Variants in DDX3X observed in about 807,000 individuals in gnomAD.
DDX3X encodes the protein DEAD-box helicase 3 X-linked.
In DDX3X, 4 loss-of-function variants were observed where a neutral mutation model predicts 52.7. The ratio of observed to expected loss-of-function variants is 0.08; its 90% confidence interval spans 0.04 to 0.17. The LOEUF is 0.17. Ranked by LOEUF, DDX3X falls within the 10% of genes least tolerant of loss-of-function variation. The pLI, the probability that DDX3X is intolerant of heterozygous loss-of-function variation, is 1.00. For synonymous variants in DDX3X, 192 were observed against 178.1 expected, an observed-to-expected ratio of 1.08 and a Z score of -0.62; for missense variants, 222 against 548.6, an observed-to-expected ratio of 0.40 and a Z score of 5.95.
At position 41,343,329 on chromosome X, in the gene DDX3X, C is replaced by T. The variant is rs2063876497; in HGVS notation, c.657C>T (p.Asp219=). Residue 219 remains aspartate, a synonymous_variant, in exon 7 of 17, where the codon GAC becomes GAT. Coordinates refer to ENST00000644876, the MANE Select transcript of DDX3X (RefSeq NM_001356.5). ...TTCCTATTATCAAAGAGAAAAGAGA[C>T]TTGATGGCTTGTGCCCAAACAGGTA... ...HAIPIIKEKR[D]LMACAQTGSG... The T allele has an allele frequency of 8.3e-7, 1 of 1,202,010 alleles. No individual in the cohort carries two copies. The highest frequency in any genetic ancestry group is 1.1e-6 in the Non-Finnish European group (1 of 892,844).
chrX:41,334,734 G>C, intron 1 of DDX3X: 1 of 980,131 alleles, frequency 1.0e-6, no homozygotes, highest in Non-Finnish European at 1.3e-6. Flanking sequence ...CGGAGGACCT[G>C]GCGGCACCCG....
chrX:41,358,672 C>G (rs2064018136), intron 5 of DDX3X, among the ~76,000 whole-genome samples: 1 of 112,116 alleles, frequency 8.9e-6, no homozygotes, highest in African/African-American at 3.2e-5. Flanking sequence ...AATTGGAACA[C>G]TCTTGGCAGA....
chrX:41,357,256 T>A (rs2064013136), intron 5 of DDX3X, among the ~76,000 whole-genome samples: 1 of 110,133 alleles, frequency 9.1e-6, no homozygotes, highest in Non-Finnish European at 1.9e-5. Flanking sequence ...ATCTATATAA[T>A]AAGTCTTAAC....
intron 3 of DDX3X, chrX:41,341,216 C>G (rs1301184675): frequency 1.6e-5 from 4 of 246,151 alleles, no homozygotes; most frequent in Non-Finnish European, 2.9e-5. Flanking sequence ...AACTCCTGAC[C>G]TCAGGTGACC....
chrX:41,360,130 C>A (rs1167540060), intron 5 of DDX3X, among the ~76,000 whole-genome samples: 2 of 110,818 alleles, frequency 1.8e-5, no homozygotes, highest in Admixed American at 9.7e-5. Flanking sequence ...GTAATCCCAA[C>A]ACTTTGGGAA....
At chrX:41,353,306 A>C (rs986191583), downstream of DDX3X, among the ~76,000 whole-genome samples, 4 of 104,392 alleles carry the variant, frequency 3.8e-5, no homozygotes, top group African/African-American at 1.4e-4. Context: ...ACAAAAAAAA[A>C]AAAAAAAAAA....
rs1373122249 is a variant in DDX3X at position 41,342,445 on chromosome X, C to T, written c.285-50C>T. The T allele has an allele frequency of 5.9e-6, 7 of 1,183,510 alleles. No homozygotes were observed. In the Admixed American group the frequency reaches 1.3e-4, roughly 22 times the overall value. Reference sequence around the variant, plus strand: ...ACAGTTCTAGAGTAGGGATAAGAATCTGATAATGGTTAAATGATATGATTC... The same window carrying T: ...ACAGTTCTAGAGTAGGGATAAGAATTTGATAATGGTTAAATGATATGATTC... On this transcript the variant is annotated intron_variant, in intron 4 of 16. Transcript: ENST00000644876.
intron 5 of DDX3X, among the ~76,000 whole-genome samples, chrX:41,359,899 G>A (rs1471441631): frequency 6.7e-5 from 7 of 104,139 alleles, no homozygotes; most frequent in East Asian, 6.3e-4. Context: ...GGAGAATGGC[G>A]TGAACCCGGG....
intron 14 of DDX3X, 27 bp from the exon 15 acceptor site, chrX:41,346,832 T>G (rs1439573692): frequency 2.0e-5 from 23 of 1,176,534 alleles, no homozygotes; most frequent in Non-Finnish European, 2.4e-5. Flanking sequence ...GACCTTTGTT[T>G]ATATACTTTT....
At position 41,349,032 on chromosome X, in the gene DDX3X, C is replaced by T. The variant is rs2063959823; in HGVS notation, c.*1313C>T. On this transcript the variant is annotated 3_prime_UTR_variant, in exon 17 of 17. Coordinates refer to ENST00000644876, the MANE Select transcript of DDX3X (RefSeq NM_001356.5). ...TGAGCATTGTCCACCACTAAAATGC[C>T]TCTGCCACTTTGAATTCTGTGCTAA... 2 of 112,305 alleles carry T rather than the reference C, an allele frequency of 1.8e-5. No individual in the cohort carries two copies. The highest frequency in any genetic ancestry group is 1.9e-5 in the Non-Finnish European group (1 of 53,263). 9.3% of individuals were successfully genotyped at this position (112,305 alleles called of 1,213,427 possible). A position where few individuals can be genotyped will look rare whatever the true frequency, so the allele number is the denominator to read the frequency against.
Position 41,347,991 on chromosome X carries a change from A to G in DDX3X, c.*272A>G, listed in dbSNP as rs2063947983. Reference sequence around the variant, plus strand: ...ACCCCCATCCCAAACTGCATTTATAATTTTGTGACTGAGGATCATTTGTTT... The same window carrying G: ...ACCCCCATCCCAAACTGCATTTATAGTTTTGTGACTGAGGATCATTTGTTT... On this transcript the variant is annotated 3_prime_UTR_variant, in exon 17 of 17. Transcript: ENST00000644876. 3.0e-6 allele frequency: 1 copy of G among 337,681 alleles called. No homozygotes were observed. The allele number at this position is 337,681 out of a possible 1,213,427, so 27.8% of individuals were successfully genotyped here.
At chrX:41,343,104 C>T (rs1264294187) in intron 6 of DDX3X, 112 bp from the exon 7 acceptor site, 1 of 921,290 alleles carries the variant, frequency 1.1e-6, no homozygotes, top group Admixed American at 3.5e-5. Context: ...GATAATTTTA[C>T]TTAAACTATA....
intron 5 of DDX3X, among the ~76,000 whole-genome samples, chrX:41,360,168 A>G (rs2064023999): frequency 9.2e-6 from 1 of 108,483 alleles, no homozygotes; most frequent in Admixed American, 1.0e-4. Flanking sequence ...ACCTGAGGTC[A>G]GGAGTTCAAG....
chrX:41,343,656 T>C (rs2063883211), intron 7 of DDX3X, 81 bp from the exon 8 acceptor site: 7 of 881,833 alleles, frequency 7.9e-6, no homozygotes, highest in Middle Eastern at 2.8e-4. Flanking sequence ...TTATTAGTAA[T>C]AGGGTAGTTA....
chrX:41,355,490 C>T (rs369881505), intron 5 of DDX3X, among the ~76,000 whole-genome samples: 1 of 109,800 alleles, frequency 9.1e-6, no homozygotes. Context: ...TTTTTTGAGA[C>T]AGGGTCCCAC....
At chrX:41,360,789 C>G (rs765779820) in intron 5 of DDX3X, among the ~76,000 whole-genome samples, 278 of 110,020 alleles carry the variant, frequency 2.5e-3, no homozygotes, top group African/African-American at 9.0e-3. Context: ...TCTCAGGAAC[C>G]TAGCGCTTGT....
chrX:41,340,661 T>C, intron 3 of DDX3X: 1 of 282,282 alleles, frequency 3.5e-6, no homozygotes. Context: ...ATCAAGCTTA[T>C]AGTAGATGAA....
rs772419774 is a variant in DDX3X, at chrX:41,339,026, AT to A, written c.104-3del. 1.1e-5 allele frequency: 10 copies of A among 895,436 alleles called. No individual in the cohort carries two copies. The highest frequency in any genetic ancestry group is 3.8e-5 in the South Asian group (1 of 26,521). 73.8% of individuals were successfully genotyped at this position (895,436 alleles called of 1,213,427 possible). On this transcript the variant is annotated splice_polypyrimidine_tract_variant and intron_variant, in intron 2 of 16. Transcript: ENST00000644876. Reference sequence around the variant, plus strand: ...TTTAATTAATTTTATATATATATATATTTTTTTAGAAGGGCGCTATATTCCT... The same window carrying A: ...TTTAATTAATTTTATATATATATATATTTTTTAGAAGGGCGCTATATTCCT...
upstream of DDX3X, chrX:41,334,137 G>T: frequency 1.3e-6 from 1 of 741,872 alleles, no homozygotes; most frequent in South Asian, 2.5e-5. Flanking sequence ...GGGTATATTA[G>T]ATCCGTGGCC....
Sources: allele counts gnomAD v4.1 joint callset (sites outside exome capture counted in the v4.1 genomes callset), GRCh38; gene constraint gnomAD v4.1.1; transcripts MANE v1.5; gene names NCBI Gene and HGNC (gene_info 2026-07-23, HGNC 2026-07-21).